The following ANXA2 variants were observed in gnomAD, a reference collection of about 807,000 sequenced individuals.
ANXA2 encodes the protein annexin II.
A neutral mutation model predicts 47.3 loss-of-function variants in ANXA2; 28 were observed. The ratio of observed to expected loss-of-function variants is 0.59; its 90% CI spans 0.44 to 0.81. ANXA2 has a LOEUF of 0.81. Ranked by LOEUF, ANXA2 falls within the 40% of genes least tolerant of loss-of-function variation. ANXA2 has a pLI of 0.00. For synonymous variants in ANXA2, 172 were observed against 155.5 expected, an observed-to-expected ratio of 1.11 and a Z score of -0.79; for missense variants, 384 against 414.3, an observed-to-expected ratio of 0.93 and a Z score of 0.64.
In ANXA2 at chr15:60,351,266, A is replaced by G. The variant is rs368173864; in HGVS notation, c.779-15T>C. On this transcript the variant is annotated splice_polypyrimidine_tract_variant and intron_variant, in intron 10 of 12. Coordinates refer to ENST00000451270, the MANE Select transcript of ANXA2 (RefSeq NM_004039.3). ...AATGCACTGAACTGTGGAGAGAAGA[A>G]AGGGAGTCAGCGCTGCAGCTGCTCT... 6.8e-5 allele frequency: 110 copies of G among 1,613,940 alleles called. No homozygotes were observed. The highest frequency in any genetic ancestry group is 9.0e-5 in the Non-Finnish European group (106 of 1,179,894).
intron 3 of ANXA2, among the ~76,000 whole-genome samples, chr15:60,371,507 G>A (rs892456270): frequency 6.6e-6 from 1 of 152,208 alleles, no homozygotes; most frequent in Non-Finnish European, 1.5e-5. Context: ...GAAAATGTGT[G>A]TCTTTATTGT....
At chr15:60,369,762 G>A (rs771512866) in intron 3 of ANXA2, among the ~76,000 whole-genome samples, 3 of 152,232 alleles carry the variant, frequency 2.0e-5, no homozygotes, top group Non-Finnish European at 4.4e-5. Flanking sequence ...GATAACCATG[G>A]TGGGAAATGG....
chr15:60,347,548 G>T lies in ANXA2; in HGVS notation c.*82C>A. 1 of 1,425,640 alleles carries T rather than the reference G, an allele frequency of 7.0e-7. No homozygotes were observed. The highest frequency in any genetic ancestry group is 9.9e-7 in the Non-Finnish European group (1 of 1,011,078). 88.3% of individuals were successfully genotyped at this position (1,425,640 alleles called of 1,614,324 possible). A position where few individuals can be genotyped will look rare whatever the true frequency, so the allele number is the denominator to read the frequency against. On this transcript the variant is annotated 3_prime_UTR_variant, in exon 13 of 13. Transcript: ENST00000451270. ...CCTCACAGGGATGGCCACGGGGACT[G>T]TTATTCGCAAGCTGGTTTTCTAGAC...
At chr15:60,388,924 G>A (rs545504139) in intron 1 of ANXA2, among the ~76,000 whole-genome samples, 1 of 150,488 alleles carries the variant, frequency 6.6e-6, no homozygotes, top group Non-Finnish European at 1.5e-5. Flanking sequence ...TTCCAGTAGA[G>A]ATAATGTCGC....
chr15:60,374,698 G>C (rs1273241359), intron 3 of ANXA2: 5 of 455,986 alleles, frequency 1.1e-5, no homozygotes, highest in African/African-American at 1.0e-4. Flanking sequence ...TAGATACATA[G>C]ACAAATATCA....
chr15:60,362,254 C>T (rs568169279), intron 4 of ANXA2, among the ~76,000 whole-genome samples: 2 of 152,290 alleles, frequency 1.3e-5, no homozygotes, highest in South Asian at 4.2e-4. Context: ...ACCCTTGACA[C>T]TCCCCTCTAC....
intron 12 of ANXA2, among the ~76,000 whole-genome samples, chr15:60,348,382 G>A (rs1200754899): frequency 6.6e-6 from 1 of 152,188 alleles, no homozygotes; most frequent in East Asian, 1.9e-4. Context: ...TTGGAGAGAT[G>A]GGAGTTCTGA....
chr15:60,374,669 C>A (rs933973759), intron 3 of ANXA2: 4 of 455,982 alleles, frequency 8.8e-6, no homozygotes, highest in Non-Finnish European at 1.8e-5. Flanking sequence ...AGCTACGTGG[C>A]TCAGGTCTGG....
Position 60,349,137 on chromosome 15 carries a change from T to C in ANXA2, c.898A>G (p.Met300Val), listed in dbSNP as rs1454071939. ...TTGAATTCAGACCTAATTTTCAACA[T>C]GTCCACTTCACTGCGGGAGACCATG... Reference protein sequence around the residue: ...RIMVSRSEVDMLKIRSEFKRK... With the variant: ...RIMVSRSEVDVLKIRSEFKRK... The change falls in exon 12 of 13, where the codon ATG (methionine) becomes GTG (valine). Residue 300 changes from methionine to valine, a missense_variant. Met to Val is a conservative substitution (Grantham distance 21). Transcript: ENST00000451270. 8.1e-6 allele frequency: 13 copies of C among 1,613,962 alleles called. No homozygotes were observed. In the African/African-American group the frequency reaches 9.3e-5, roughly 12 times the overall value.
intron 6 of ANXA2, 31 bp downstream of exon 6, chr15:60,357,115 G>C: frequency 6.9e-6 from 11 of 1,598,924 alleles, no homozygotes; most frequent in Non-Finnish European, 9.4e-6. Flanking sequence ...ATTGGGCTGA[G>C]AGGATGAATC....
intron 1 of ANXA2, chr15:60,386,707 G>T (rs1172877932): frequency 6.6e-6 from 1 of 152,190 alleles, no homozygotes; most frequent in African/African-American, 2.4e-5. Flanking sequence ...ATTTGAAATG[G>T]TTGAAATGAA....
At position 60,352,543 on chromosome 15, in the gene ANXA2, C is replaced by CA. The variant is rs1013897886; in HGVS notation, c.589-68dup. 254 of 1,050,408 alleles carry CA rather than the reference C, an allele frequency of 2.4e-4. No individual in the cohort carries two copies. The highest frequency in any genetic ancestry group is 7.6e-4 in the South Asian group (53 of 69,534). The allele number at this position is 1,050,408 out of a possible 1,614,324, so 65.1% of individuals were successfully genotyped here. On this transcript the variant is annotated intron_variant, in intron 8 of 12. Transcript: ENST00000451270. The surrounding 1 kb of genome is among the most constrained non-coding windows in gnomAD (Gnocchi z 4.2). ...ATGTAACGTCAAAAAAAATGTCATG[C>CA]AAAAAAAACAAAAAAAGCTACACAT...
Position 60,351,461 on chromosome 15 carries a change from C to A in ANXA2, c.779-210G>T, listed in dbSNP as rs1896010237. 4 of 625,664 alleles carry A rather than the reference C, an allele frequency of 6.4e-6. No homozygotes were observed. The Admixed American group carries it at 8.6e-5, about 13-fold the overall frequency. The allele number at this position is 625,664 out of a possible 1,614,324, so 38.8% of individuals were successfully genotyped here. On this transcript the variant is annotated intron_variant, in intron 10 of 12. Coordinates refer to ENST00000451270, the MANE Select transcript of ANXA2 (RefSeq NM_004039.3). The stretch of plus-strand genomic sequence containing the variant: ...TTAAACCAGGGGTCTCTGAGGCCTG[C>A]AGAACCCAAGTGCATACGTGAGTTT...
At chr15:60,365,585 G>T (rs557347557) in intron 3 of ANXA2, among the ~76,000 whole-genome samples, 1 of 152,302 alleles carries the variant, frequency 6.6e-6, no homozygotes, top group East Asian at 1.9e-4. Context: ...AAACTGTAAC[G>T]CTTGAGACAA....
intron 1 of ANXA2, chr15:60,391,074 A>C (rs1279942678): frequency 6.6e-6 from 1 of 152,258 alleles, no homozygotes; most frequent in Non-Finnish European, 1.5e-5. Flanking sequence ...GACACTTATA[A>C]AACTGTGAAA....
At chr15:60,363,044 A>C (rs890903254) in intron 4 of ANXA2, 1 of 150,678 alleles carries the variant, frequency 6.6e-6, no homozygotes, top group African/African-American at 2.5e-5. Context: ...AAAAAAAAAA[A>C]AAAAAAAAAA....
At chr15:60,366,376 G>C (rs1478726935) in intron 3 of ANXA2, among the ~76,000 whole-genome samples, 1 of 150,406 alleles carries the variant, frequency 6.6e-6, no homozygotes, top group African/African-American at 2.5e-5. Flanking sequence ...CCTCTTCCCC[G>C]CCGCCATCCC....
intron 6 of ANXA2, among the ~76,000 whole-genome samples, chr15:60,356,480 A>T (rs1462634064): frequency 1.3e-5 from 2 of 152,220 alleles, no homozygotes; most frequent in Non-Finnish European, 2.9e-5. Flanking sequence ...ATATTGAAAT[A>T]CAGTAGCTAG....
rs765007975 is a variant in ANXA2 at position 60,393,096 on chromosome 15, A to C, written c.-12+4847T>G. 13 of 1,288,010 alleles carry C rather than the reference A, an allele frequency of 1.0e-5. No individual in the cohort carries two copies. The South Asian group carries it at 1.6e-4, about 16-fold the overall frequency. 79.8% of individuals were successfully genotyped at this position (1,288,010 alleles called of 1,614,324 possible). A position where few individuals can be genotyped will look rare whatever the true frequency, so the allele number is the denominator to read the frequency against. Reference sequence around the variant, plus strand: ...TATGGTCTTGATTAATGACTGAGTCACAGGGCCAACTCATTCCCCAGAATT... The same window carrying C: ...TATGGTCTTGATTAATGACTGAGTCCCAGGGCCAACTCATTCCCCAGAATT... On this transcript the variant is annotated intron_variant, in intron 1 of 12. Transcript: ENST00000451270.
Sources: allele counts gnomAD v4.1 joint callset (sites outside exome capture counted in the v4.1 genomes callset), GRCh38; gene constraint gnomAD v4.1.1; non-coding constraint Gnocchi (gnomAD v3.1); transcripts MANE v1.5; gene names NCBI Gene and HGNC (gene_info 2026-07-23, HGNC 2026-07-21).